The following BICD2 variants were observed in gnomAD, a reference collection of about 807,000 sequenced individuals.
The protein encoded by BICD2 is protein bicaudal D homolog 2.
A neutral mutation model predicts 72.9 loss-of-function variants in BICD2; 25 were observed. The observed-to-expected ratio is 0.34, with a 90% CI of 0.25 to 0.48. The LOEUF (loss-of-function observed/expected upper bound fraction) is 0.48. BICD2 is among the 20% of genes least tolerant of loss of function. The pLI, the probability that BICD2 is intolerant of heterozygous loss-of-function variation, is 0.99. For synonymous variants in BICD2, 501 were observed against 516.1 expected (o/e 0.97, Z 0.40); for missense variants, 894 against 1,175.2 (o/e 0.76, Z 3.50).
intron 1 of BICD2, among the ~76,000 whole-genome samples, chr9:92,742,678 C>T (rs554249689): frequency 5.3e-5 from 8 of 152,134 alleles, no homozygotes; most frequent in Admixed American, 1.3e-4. Flanking sequence ...CCACTGTGCC[C>T]GGCCTAATTC....
chr9:92,740,410 TTAAA>T (rs1853876355), intron 1 of BICD2, among the ~76,000 whole-genome samples: 1 of 152,068 alleles, frequency 6.6e-6, no homozygotes, highest in Admixed American at 6.6e-5. Context: ...AAATGATCTC[TTAAA>T]TATATCTGTA....
intron 1 of BICD2, among the ~76,000 whole-genome samples, chr9:92,733,365 G>A (rs1050726089): frequency 4.0e-5 from 6 of 151,350 alleles, no homozygotes; most frequent in African/African-American, 9.7e-5. Context: ...GTGAAACCTC[G>A]TCTCTACTAA....
rs751522125 is a variant in BICD2 at position 92,764,776 on chromosome 9, G to A, written c.-32C>T. ...CGAGGGCTGAGCCGGCTCCCACTGAGGCTCTCGCAGGCCGGGCCCTCCTCA... is the reference window on the plus strand; with the variant it reads ...CGAGGGCTGAGCCGGCTCCCACTGAAGCTCTCGCAGGCCGGGCCCTCCTCA... On this transcript the variant is annotated 5_prime_UTR_variant, in exon 1 of 7. Transcript: ENST00000356884. The surrounding 1 kb of genome is among the most constrained non-coding windows in gnomAD (Gnocchi z 5.5). 18 of 1,454,478 alleles carry A rather than the reference G, an allele frequency of 1.2e-5. No homozygotes were observed. The highest frequency in any genetic ancestry group is 4.0e-5 in the South Asian group (3 of 74,862). 90.1% of individuals were successfully genotyped at this position (1,454,478 alleles called of 1,614,324 possible).
chr9:92,726,098 C>T (rs1165449904), intron 2 of BICD2, among the ~76,000 whole-genome samples: 4 of 152,138 alleles, frequency 2.6e-5, no homozygotes, highest in Non-Finnish European at 4.4e-5. Context: ...ACATACACAG[C>T]GGTTAGAGTC....
Position 92,715,451 on chromosome 9 carries a change from G to A in BICD2, c.2271C>T (p.Tyr757=). 6.3e-7 allele frequency: 1 copy of A among 1,591,264 alleles called. No homozygotes were observed. The highest frequency in any genetic ancestry group is 8.6e-7 in the Non-Finnish European group (1 of 1,163,966). ...GCTGCATCTCATCCAGCTGTGTAAT[G>A]TACTCGTCACACCTGTGGGTACCAA... ...RAMFATRCDE[Y]ITQLDEMQRQ... Residue 757 remains tyrosine (Y), a synonymous_variant, in exon 7 of 7, where the codon TAC becomes TAT. Coordinates refer to ENST00000356884, the MANE Select transcript of BICD2 (RefSeq NM_001003800.2).
At chr9:92,736,707 G>T (rs1853794749) in intron 1 of BICD2, among the ~76,000 whole-genome samples, 1 of 152,140 alleles carries the variant, frequency 6.6e-6, no homozygotes, top group African/African-American at 2.4e-5. Context: ...TTGGGATCTG[G>T]ATCAGCACCA....
At chr9:92,750,231 G>A (rs1437469533) in intron 1 of BICD2, among the ~76,000 whole-genome samples, 1 of 152,228 alleles carries the variant, frequency 6.6e-6, no homozygotes, top group African/African-American at 2.4e-5. Context: ...TTCGCATTTG[G>A]AAGAGTCTGG....
At chr9:92,758,935 A>G (rs1854318830) in intron 1 of BICD2, among the ~76,000 whole-genome samples, 1 of 151,928 alleles carries the variant, frequency 6.6e-6, no homozygotes, top group African/African-American at 2.4e-5. Context: ...AGGCGGGAGG[A>G]TCGCTCAAGC....
In BICD2 at chr9:92,729,104, G is replaced by C. The variant is rs1273942686; in HGVS notation, c.373C>G (p.Leu125Val). 4 of 1,614,222 alleles carry C rather than the reference G, an allele frequency of 2.5e-6. No homozygotes were observed. The South Asian group carries it at 3.3e-5, about 13-fold the overall frequency. The change falls in exon 2 of 7, where the codon CTG (leucine) becomes GTG (valine). Residue 125 changes from leucine (L) to valine (V), a missense_variant. Physicochemically the swap from Leu to Val is conservative, Grantham distance 32. Coordinates refer to ENST00000356884, the MANE Select transcript of BICD2 (RefSeq NM_001003800.2). ...VRKVLELQTE[L>V]KQLRNVLTNT... The stretch of plus-strand genomic sequence containing the variant: ...GTGAGGACATTGCGCAACTGCTTCA[G>C]CTCCGTCTGCAGCTCTAGCACCTTC...
chr9:92,737,839 G>C (rs1359766245), intron 1 of BICD2, among the ~76,000 whole-genome samples: 1 of 152,196 alleles, frequency 6.6e-6, no homozygotes, highest in South Asian at 2.1e-4. Context: ...GGTGATCAGA[G>C]CCTGGGAGGA....
At chr9:92,721,044 C>T (rs1853454453) in intron 3 of BICD2, among the ~76,000 whole-genome samples, 1 of 152,214 alleles carries the variant, frequency 6.6e-6, no homozygotes, top group African/African-American at 2.4e-5. Context: ...GCAAGGGGAG[C>T]ACAAATGTCT....
chr9:92,732,008 A>T (rs1283698673), intron 1 of BICD2, among the ~76,000 whole-genome samples: 1 of 152,174 alleles, frequency 6.6e-6, no homozygotes, highest in Non-Finnish European at 1.5e-5. Context: ...ACTTAACTAC[A>T]TCCCAGAACA....
rs202119238 is a variant in BICD2, at chr9:92,719,576, G to A, written c.1069C>T (p.Arg357Trp). 330 of 1,600,232 alleles carry A rather than the reference G, an allele frequency of 2.1e-4. No homozygotes were observed. Among genetic ancestry groups the A allele is most frequent in the Admixed American group, 5.2e-4 (31 of 59,400 alleles). Residue 357 changes from arginine (R) to tryptophan (W), a missense_variant, in exon 5 of 7, where the codon CGG becomes TGG. By Grantham distance (101) the Arg-to-Trp change is moderately radical (BLOSUM62 -3). Around this residue, in one of 5 missense-constraint regions of BICD2, gnomAD observed 371 missense variants for 439.1 expected, o/e 0.84. Transcript: ENST00000356884. ...KLKQQLMQME[R>W]EKAGLLATLQ... ...GTTGCCAGCAGGCCCGCCTTTTCCC[G>A]CTCCATCTGCAAAGGCACAGGCAGC... is the stretch of plus-strand genomic sequence containing the variant.
chr9:92,763,794 G>C (rs916429764), intron 1 of BICD2, among the ~76,000 whole-genome samples: 2 of 152,168 alleles, frequency 1.3e-5, no homozygotes, highest in African/African-American at 4.8e-5. Flanking sequence ...CCCGAGAAGC[G>C]GGGCTGGACA....
chr9:92,729,746 T>C (rs1360671429), intron 1 of BICD2, among the ~76,000 whole-genome samples: 3 of 152,196 alleles, frequency 2.0e-5, no homozygotes, highest in Middle Eastern at 6.3e-3. Context: ...ATGGCAGTGA[T>C]GGTAAGAACT....
At chr9:92,754,250 A>C (rs1031360546) in intron 1 of BICD2, among the ~76,000 whole-genome samples, 12 of 152,100 alleles carry the variant, frequency 7.9e-5, no homozygotes, top group African/African-American at 2.9e-4. Flanking sequence ...GCAACTCATC[A>C]GCTACCTGAG....
chr9:92,713,447 G>A lies in BICD2; in HGVS notation c.*1707C>T. 6.3e-7 allele frequency: 1 copy of A among 1,590,096 alleles called. No individual in the cohort carries two copies. The highest frequency in any genetic ancestry group is 1.1e-5 in the South Asian group (1 of 87,552). ...AGGGCCGGGTGGCCAAGTCCTCCTG[G>A]CAGCTACTCTACAGCTGAAAACGGG... On this transcript the variant is annotated 3_prime_UTR_variant, in exon 7 of 7. Coordinates refer to ENST00000356884, the MANE Select transcript of BICD2 (RefSeq NM_001003800.2).
At chr9:92,745,193 G>A (rs1281909478) in intron 1 of BICD2, among the ~76,000 whole-genome samples, 1 of 152,152 alleles carries the variant, frequency 6.6e-6, no homozygotes, top group Non-Finnish European at 1.5e-5. Flanking sequence ...CAGATGTACA[G>A]CCTTGCTAGC....
chr9:92,722,704 C>T lies in BICD2; in HGVS notation c.558G>A (p.Glu186=), dbSNP rs781605293. Residue 186 remains glutamate, a synonymous_variant, in exon 3 of 7, where the codon GAG becomes GAA. Coordinates refer to ENST00000356884, the MANE Select transcript of BICD2 (RefSeq NM_001003800.2). The part of the protein sequence containing the change: ...RLLQDYSELE[E]ENISLQKQVS... ...CTTGCTTCTGCAGGCTGATGTTCTC[C>T]TCCTCCAGTTCCGAGTAGTCCTGCA... The T allele has an allele frequency of 6.2e-7, 1 of 1,614,118 alleles. No homozygotes were observed. Among genetic ancestry groups the T allele is most frequent in the Non-Finnish European group, 8.5e-7 (1 of 1,180,058 alleles).
Sources: allele counts gnomAD v4.1 joint callset (sites outside exome capture counted in the v4.1 genomes callset), GRCh38; gene constraint gnomAD v4.1.1; regional missense constraint gnomAD v4.1.1; non-coding constraint Gnocchi (gnomAD v3.1); transcripts MANE v1.5; gene names NCBI Gene and HGNC (gene_info 2026-07-23, HGNC 2026-07-21).